ENOX2: variants seen among roughly 807,000 people sequenced by gnomAD.
ENOX2 encodes ecto-NOX disulfide-thiol exchanger 2.
Under a neutral mutation model 45.0 loss-of-function variants are expected in ENOX2, and 36 were observed. The observed-to-expected ratio is 0.80, with a 90% CI of 0.61 to 1.06. The LOEUF is 1.06. Among genes scored for constraint, ENOX2 ranks in the 50% least tolerant of loss-of-function variants. The probability of loss-of-function intolerance (pLI) is 0.00; values close to 1 mark genes in which losing one functional copy is unlikely to be tolerated. For missense variants in ENOX2, 423 were observed against 462.5 expected (o/e 0.91, Z 0.78); for synonymous variants, 174 against 152.3 (o/e 1.14, Z -1.05).
intron 3 of ENOX2, among the ~76,000 whole-genome samples, chrX:130,744,268 A>G (rs1444585951): frequency 8.9e-6 from 1 of 112,353 alleles, no homozygotes; most frequent in African/African-American, 3.2e-5. Context: ...GTCTGATATA[A>G]GACTCAGTAA....
chrX:130,899,285 G>T (rs904030384), intron 2 of ENOX2, among the ~76,000 whole-genome samples: 2 of 112,230 alleles, frequency 1.8e-5, no homozygotes, highest in Non-Finnish European at 3.8e-5. Context: ...TTGGCACTCT[G>T]TGCTACCAAG....
intron 2 of ENOX2, among the ~76,000 whole-genome samples, chrX:130,787,454 T>C (rs996487032): frequency 8.9e-6 from 1 of 111,943 alleles, no homozygotes; most frequent in Non-Finnish European, 1.9e-5. Context: ...TTTCCATTTT[T>C]AATTTCTAGT....
intron 2 of ENOX2, among the ~76,000 whole-genome samples, chrX:130,900,464 T>C (rs1366676582): frequency 2.7e-5 from 3 of 112,258 alleles, no homozygotes; most frequent in Non-Finnish European, 5.6e-5. Flanking sequence ...CAACTTAGGA[T>C]TGCAATCAAG....
chrX:130,787,590 A>G lies in ENOX2; in HGVS notation c.-182-3900T>C, dbSNP rs777329887. Among the ~76,000 whole-genome samples the G allele has an allele frequency of 1.3e-4, 14 of 109,244 alleles. No individual in the cohort carries two copies. The East Asian group carries it at 2.3e-3, about 18-fold the overall frequency. 94.9% of individuals were successfully genotyped at this position (109,244 alleles called of 115,157 possible). A position where few individuals can be genotyped will look rare whatever the true frequency, so the allele number is the denominator to read the frequency against. Reference sequence around the variant, plus strand: ...TCTAAAAGTTGAAGGAATCCAGGGGAAAAAAAAATCTAATGAGTTAAAGGT... The same window carrying G: ...TCTAAAAGTTGAAGGAATCCAGGGGGAAAAAAAATCTAATGAGTTAAAGGT... On this transcript the variant is annotated intron_variant, in intron 2 of 14. Transcript: ENST00000394363.
At chrX:130,896,581 C>T (rs1373454525) in intron 2 of ENOX2, among the ~76,000 whole-genome samples, 4 of 111,826 alleles carry the variant, frequency 3.6e-5, no homozygotes, top group Non-Finnish European at 3.8e-5. Flanking sequence ...CAGTGCCTAA[C>T]GGAGTGCTTT....
At chrX:130,733,162 A>G (rs759278944) in intron 3 of ENOX2, among the ~76,000 whole-genome samples, 1 of 112,165 alleles carries the variant, frequency 8.9e-6, no homozygotes, top group South Asian at 3.7e-4. Flanking sequence ...AGGAACTCCT[A>G]CAACTCAATA....
At chrX:130,635,578 A>G (rs1159851585) in intron 11 of ENOX2, among the ~76,000 whole-genome samples, 1 of 112,182 alleles carries the variant, frequency 8.9e-6, no homozygotes, top group African/African-American at 3.2e-5. Context: ...AATTTCAACA[A>G]ATAATATTTA....
At chrX:130,884,440 C>T (rs1233902882) in intron 2 of ENOX2, among the ~76,000 whole-genome samples, 3 of 111,080 alleles carry the variant, frequency 2.7e-5, no homozygotes, top group Non-Finnish European at 3.8e-5. Context: ...TTGTCTATGG[C>T]GTGAACATCG....
intron 3 of ENOX2, among the ~76,000 whole-genome samples, chrX:130,709,713 G>A (rs1467680251): frequency 1.8e-5 from 2 of 108,870 alleles, no homozygotes; most frequent in Admixed American, 9.8e-5. Context: ...AAGGTGGGTG[G>A]GACATGGGAC....
chrX:130,710,462 T>A (rs1172814715), intron 3 of ENOX2, among the ~76,000 whole-genome samples: 5 of 111,890 alleles, frequency 4.5e-5, no homozygotes, highest in Non-Finnish European at 1.9e-5. Flanking sequence ...ACATTTTTGA[T>A]TGTCATACCT....
intron 3 of ENOX2, among the ~76,000 whole-genome samples, chrX:130,778,240 C>T (rs1394940738): frequency 1.8e-5 from 2 of 111,619 alleles, no homozygotes; most frequent in African/African-American, 6.5e-5. Context: ...GAGTGTTCAT[C>T]TCCTTTTTAT....
At chrX:130,878,182 C>T (rs2078743045) in intron 2 of ENOX2, among the ~76,000 whole-genome samples, 2 of 112,210 alleles carry the variant, frequency 1.8e-5, no homozygotes, top group South Asian at 7.4e-4. Context: ...TTCTCTACAG[C>T]TTATGCTTCA....
chrX:130,693,087 T>C (rs780246766), intron 4 of ENOX2, among the ~76,000 whole-genome samples: 1 of 112,214 alleles, frequency 8.9e-6, no homozygotes, highest in Non-Finnish European at 1.9e-5. Flanking sequence ...AGAGTGATTA[T>C]TGTCCATTCT....
intron 3 of ENOX2, among the ~76,000 whole-genome samples, chrX:130,725,996 T>C (rs1288015719): frequency 8.9e-6 from 1 of 112,336 alleles, no homozygotes; most frequent in African/African-American, 3.2e-5. Context: ...GATAACATCA[T>C]TTGACAAAGT....
At chrX:130,855,676 A>G (rs1447447693) in intron 2 of ENOX2, among the ~76,000 whole-genome samples, 1 of 111,726 alleles carries the variant, frequency 9.0e-6, no homozygotes, top group Non-Finnish European at 1.9e-5. Context: ...CTTGCTCTAG[A>G]CATGACACCA....
rs186699624 is a variant in ENOX2, at chrX:130,850,928, G to A, written c.-183+50756C>T. Among the ~76,000 whole-genome samples the A allele has an allele frequency of 6.8e-4, 77 of 112,500 alleles. 1 individual carries two copies. The highest frequency in any genetic ancestry group is 2.3e-3 in the African/African-American group (72 of 31,018). On this transcript the variant is annotated intron_variant, in intron 2 of 14. Transcript: ENST00000394363. The stretch of plus-strand genomic sequence containing the variant: ...TATGTTTTGTCTTTTTGCACTCAAA[G>A]TCAGCCAGCAGGCACTTAAGTGAAA...
chrX:130,832,130 C>T (rs1231525108), intron 2 of ENOX2, among the ~76,000 whole-genome samples: 1 of 110,464 alleles, frequency 9.1e-6, no homozygotes, highest in Non-Finnish European at 1.9e-5. Flanking sequence ...AGGTGACAGC[C>T]GTTTAATGCT....
intron 6 of ENOX2, among the ~76,000 whole-genome samples, chrX:130,679,304 A>G (rs2037236888): frequency 9.0e-6 from 1 of 111,407 alleles, no homozygotes; most frequent in Non-Finnish European, 1.9e-5. Context: ...TAAGAAGGAC[A>G]GCCCACAGTC....
At chrX:130,674,775 A>G (rs370400587) in intron 6 of ENOX2, among the ~76,000 whole-genome samples, 3 of 30,150 alleles carry the variant, frequency 1.0e-4, no homozygotes, top group Non-Finnish European at 1.9e-4. Context: ...CCCCTCCCCC[A>G]ACCCCACAAC....
Sources: allele counts gnomAD v4.1 joint callset (sites outside exome capture counted in the v4.1 genomes callset), GRCh38; gene constraint gnomAD v4.1.1; transcripts MANE v1.5; gene names NCBI Gene and HGNC (gene_info 2026-07-23, HGNC 2026-07-21).